RALGAPA2: variants seen among roughly 807,000 people sequenced by gnomAD.
RALGAPA2 encodes the protein Ral GTPase activating protein catalytic subunit alpha 2.
Under a neutral mutation model 230.4 loss-of-function variants are expected in RALGAPA2, and 139 were observed. The observed-to-expected ratio is 0.60, with a 90% CI of 0.53 to 0.69. The LOEUF (loss-of-function observed/expected upper bound fraction) is 0.69, where lower values mean the gene tolerates loss of function less well. Among genes scored for constraint, RALGAPA2 ranks in the 30% least tolerant of loss-of-function variants. RALGAPA2 has a pLI of 0.00. For synonymous variants in RALGAPA2, 847 were observed against 837.8 expected (o/e 1.01, Z -0.19); for missense variants, 2,163 against 2,276.0 (o/e 0.95, Z 1.01).
intron 23 of RALGAPA2, among the ~76,000 whole-genome samples, chr20:20,562,212 A>G (rs2064276802): frequency 6.6e-6 from 1 of 151,944 alleles, no homozygotes; most frequent in African/African-American, 2.4e-5. Flanking sequence ...TTTTCTATCA[A>G]TCAATATATC....
intron 3 of RALGAPA2, among the ~76,000 whole-genome samples, chr20:20,667,068 G>A (rs1013853375): frequency 2.0e-5 from 3 of 152,114 alleles, no homozygotes; most frequent in African/African-American, 7.2e-5. Flanking sequence ...AATGTGAAAA[G>A]TTATAAATGA....
chr20:20,486,834 T>C (rs2061925403), intron 36 of RALGAPA2, among the ~76,000 whole-genome samples: 2 of 152,332 alleles, frequency 1.3e-5, no homozygotes, highest in South Asian at 4.1e-4. Flanking sequence ...ACAATTCCTC[T>C]CCTTGGCCAT....
intron 10 of RALGAPA2, among the ~76,000 whole-genome samples, chr20:20,623,846 AT>A (rs1568664395): frequency 6.6e-6 from 1 of 151,828 alleles, no homozygotes; most frequent in Non-Finnish European, 1.5e-5. Flanking sequence ...GGTGTCTTTT[AT>A]TTCTTTATTT....
At chr20:20,692,141 T>C (rs990488526) in intron 1 of RALGAPA2, among the ~76,000 whole-genome samples, 5 of 152,194 alleles carry the variant, frequency 3.3e-5, no homozygotes, top group African/African-American at 9.7e-5. Context: ...ACTTCTTTTC[T>C]TTATAAATTA....
At chr20:20,655,803 A>G (rs1011764645) in intron 3 of RALGAPA2, among the ~76,000 whole-genome samples, 7 of 152,196 alleles carry the variant, frequency 4.6e-5, no homozygotes, top group African/African-American at 1.7e-4. Flanking sequence ...GAGAACATAT[A>G]ATAGTGATAT....
chr20:20,679,489 A>G (rs1292839315), intron 2 of RALGAPA2, among the ~76,000 whole-genome samples: 2 of 152,232 alleles, frequency 1.3e-5, no homozygotes, highest in East Asian at 3.8e-4. Flanking sequence ...TGTGATAGTA[A>G]CAAACACTTT....
chr20:20,520,918 C>T lies in RALGAPA2; in HGVS notation c.4083G>A (p.Glu1361=), dbSNP rs371769838. ...TTTCATACCTGAAAGAATACTCACC[C>T]TCTTCAACAGTCAGCAGGTTACCCA... is the stretch of plus-strand genomic sequence containing the variant. ...AELGNLLTVE[E]EKKRRSLELI... is the part of the protein sequence containing the mutation. The change falls in exon 31 of 40, where the codon GAG becomes GAA. Residue 1361 remains glutamate (E), a splice_region_variant and synonymous_variant. Coordinates refer to ENST00000202677, the MANE Select transcript of RALGAPA2 (RefSeq NM_020343.4). 9.4e-6 allele frequency: 15 copies of T among 1,599,550 alleles called. No homozygotes were observed. The South Asian group carries it at 1.2e-4, about 13-fold the overall frequency.
chr20:20,400,262 C>T (rs73901535), intron 38 of RALGAPA2, among the ~76,000 whole-genome samples: 46 of 152,338 alleles, frequency 3.0e-4, no homozygotes, highest in African/African-American at 1.0e-3. Context: ...AATCCAGCAG[C>T]AGTGGCTGTG....
chr20:20,654,045 G>A (rs1230878374), intron 3 of RALGAPA2, among the ~76,000 whole-genome samples: 1 of 152,150 alleles, frequency 6.6e-6, no homozygotes, highest in Non-Finnish European at 1.5e-5. Flanking sequence ...AAACAACTCA[G>A]TGAGACAAGA....
chr20:20,514,078 C>T (rs2145372832), intron 31 of RALGAPA2, among the ~76,000 whole-genome samples: 1 of 152,290 alleles, frequency 6.6e-6, no homozygotes, highest in South Asian at 2.1e-4. Flanking sequence ...AAATCCTTTC[C>T]TAGACTGGCA....
chr20:20,690,624 G>A (rs2146910495), intron 1 of RALGAPA2, among the ~76,000 whole-genome samples: 1 of 150,520 alleles, frequency 6.6e-6, no homozygotes, highest in East Asian at 2.0e-4. Flanking sequence ...TATGCCACCT[G>A]TAAAGGCTGT....
intron 1 of RALGAPA2, among the ~76,000 whole-genome samples, chr20:20,700,447 TA>T (rs2069307852): frequency 6.6e-6 from 1 of 152,114 alleles, no homozygotes; most frequent in Non-Finnish European, 1.5e-5. Context: ...CCCCTGTACC[TA>T]AAATAAAAGT....
chr20:20,616,275 C>T (rs1603074552), intron 12 of RALGAPA2, 84 bp from the exon 13 acceptor site: 1 of 1,019,272 alleles, frequency 9.8e-7, no homozygotes, highest in East Asian at 2.8e-5. Context: ...TAATTTCACT[C>T]TACCAATGAA....
At chr20:20,498,588 C>T (rs2062282663) in intron 35 of RALGAPA2, among the ~76,000 whole-genome samples, 4 of 152,156 alleles carry the variant, frequency 2.6e-5, no homozygotes, top group South Asian at 2.1e-4. Context: ...TCAGTGGGCC[C>T]GGCTGCTACT....
At chr20:20,422,096 G>A (rs2060289125) in intron 37 of RALGAPA2, among the ~76,000 whole-genome samples, 1 of 152,192 alleles carries the variant, frequency 6.6e-6, no homozygotes. Context: ...AATACAGACA[G>A]AAAGGAAATC....
intron 3 of RALGAPA2, among the ~76,000 whole-genome samples, chr20:20,654,162 G>A (rs902288031): frequency 7.9e-5 from 12 of 152,260 alleles, no homozygotes; most frequent in African/African-American, 2.4e-4. Context: ...TTTGACTTTT[G>A]TAGATTCCAT....
chr20:20,558,489 C>T (rs73124417), intron 23 of RALGAPA2, among the ~76,000 whole-genome samples: 5,781 of 152,234 alleles, frequency 0.038, 152 homozygotes, highest in Middle Eastern at 0.075. Flanking sequence ...CACGTTAACT[C>T]CTACTCTCAT....
chr20:20,570,775 C>T (rs2064602556), intron 23 of RALGAPA2, among the ~76,000 whole-genome samples: 1 of 152,190 alleles, frequency 6.6e-6, no homozygotes, highest in Non-Finnish European at 1.5e-5. Flanking sequence ...AAATCAATCA[C>T]ATCACTTGCC....
chr20:20,607,241 T>A (rs2065849242), intron 14 of RALGAPA2, among the ~76,000 whole-genome samples: 1 of 152,214 alleles, frequency 6.6e-6, no homozygotes, highest in Non-Finnish European at 1.5e-5. Context: ...GTCTATAAAA[T>A]CAGACAGGCC....
Sources: gnomAD v4.1 joint callset for allele counts (sites outside exome capture counted in the v4.1 genomes callset) on GRCh38, gnomAD v4.1.1 for gene constraint, MANE v1.5 for transcripts, NCBI Gene and HGNC (gene_info 2026-07-23, HGNC 2026-07-21) for gene names.